Variants in ASTN2 observed in about 807,000 individuals in gnomAD.
The protein encoded by ASTN2 is astrotactin 2.
A neutral mutation model predicts 139.8 loss-of-function variants in ASTN2; 54 were observed. That is an observed-to-expected ratio of 0.39 (90% CI 0.31 to 0.48). The LOEUF (loss-of-function observed/expected upper bound fraction) is 0.48, where lower values mean the gene tolerates loss of function less well. Among genes scored for constraint, ASTN2 ranks in the 20% least tolerant of loss-of-function variants. The pLI is 0.95. For missense variants in ASTN2, 1,565 were observed against 1,725.1 expected (o/e 0.91, Z 1.64); for synonymous variants, 756 against 719.5 (o/e 1.05, Z -0.81).
At position 117,384,606 on chromosome 9, in the gene ASTN2, T is replaced by C. The variant is rs150589164; in HGVS notation, c.442+29891A>G. On this transcript the variant is annotated intron_variant, in intron 1 of 22. Transcript: ENST00000313400. The stretch of plus-strand genomic sequence containing the variant: ...TTGATAAGTAACTCTCAGCAAGTCA[T>C]TTCCTATGGGCCATGGCTTCCACAT... 2.6e-5 allele frequency among the ~76,000 whole-genome samples: 4 copies of C among 152,342 alleles called. No homozygotes were observed. The East Asian group carries it at 5.8e-4, about 22-fold the overall frequency.
chr9:117,144,174 G>A (rs1830137931), intron 3 of ASTN2, among the ~76,000 whole-genome samples: 1 of 152,076 alleles, frequency 6.6e-6, no homozygotes. Flanking sequence ...CACAGTGAGG[G>A]GTGGCATCTG....
intron 4 of ASTN2, among the ~76,000 whole-genome samples, chr9:117,109,367 A>C (rs930882867): frequency 7.6e-6 from 1 of 132,220 alleles, no homozygotes; most frequent in African/African-American, 2.5e-5. Flanking sequence ...AAAATAAATA[A>C]ATAAAAATAA....
At position 116,463,396 on chromosome 9, in the gene ASTN2, A is replaced by G. The variant is rs550782158; in HGVS notation, c.3498-20843T>C. 2.6e-4 allele frequency among the ~76,000 whole-genome samples: 40 copies of G among 152,330 alleles called. No individual in the cohort carries two copies. The South Asian group carries it at 7.3e-3, about 28-fold the overall frequency. ...AAGCTGGTTCACAAAGGGATTTGAC[A>G]TCAGGACTTTATCTCCTAACTCCTG... On this transcript the variant is annotated intron_variant, in intron 20 of 22. Transcript: ENST00000313400.
intron 20 of ASTN2, among the ~76,000 whole-genome samples, chr9:116,463,763 C>T (rs758369199): frequency 1.7e-4 from 26 of 152,300 alleles, no homozygotes; most frequent in Middle Eastern, 3.4e-3. Flanking sequence ...TTCTCCACTA[C>T]GCTGTGAGCT....
chr9:116,834,636 C>A (rs111968411), intron 11 of ASTN2, among the ~76,000 whole-genome samples: 103 of 152,268 alleles, frequency 6.8e-4, no homozygotes, highest in African/African-American at 2.2e-3. Flanking sequence ...TTTTTCCATC[C>A]ATTTACTTTC....
intron 3 of ASTN2, among the ~76,000 whole-genome samples, chr9:117,143,543 T>C (rs1308038764): frequency 6.6e-6 from 1 of 152,224 alleles, no homozygotes; most frequent in African/African-American, 2.4e-5. Context: ...CATTGATTCA[T>C]TCATTCAACA....
At chr9:117,159,200 G>T (rs964957588) in intron 3 of ASTN2, among the ~76,000 whole-genome samples, 1 of 151,824 alleles carries the variant, frequency 6.6e-6, no homozygotes, top group African/African-American at 2.4e-5. Context: ...CAGGCCTGTC[G>T]TCTGCTAACT....
At chr9:116,711,576 G>T (rs1008402263) in intron 16 of ASTN2, among the ~76,000 whole-genome samples, 1 of 152,164 alleles carries the variant, frequency 6.6e-6, no homozygotes, top group Admixed American at 6.5e-5. Context: ...ATTGCCAGTT[G>T]TATATACCTT....
chr9:116,512,138 T>G (rs966846350), intron 19 of ASTN2, among the ~76,000 whole-genome samples: 2 of 152,220 alleles, frequency 1.3e-5, no homozygotes, highest in African/African-American at 4.8e-5. Flanking sequence ...TTGTGGGCAT[T>G]TAGTGCTATA....
chr9:117,258,911 A>T (rs369911628), intron 2 of ASTN2, among the ~76,000 whole-genome samples: 85 of 152,304 alleles, frequency 5.6e-4, no homozygotes, highest in Middle Eastern at 3.4e-3. Flanking sequence ...CGTCTATTTC[A>T]CTTCTTGCCT....
chr9:117,351,046 C>T (rs761029316), intron 1 of ASTN2, among the ~76,000 whole-genome samples: 1 of 152,152 alleles, frequency 6.6e-6, no homozygotes, highest in Non-Finnish European at 1.5e-5. Context: ...GCTCTCCTTG[C>T]ACCCTCAACG....
intron 10 of ASTN2, among the ~76,000 whole-genome samples, chr9:116,972,538 T>C (rs940254495): frequency 6.6e-5 from 10 of 152,318 alleles, no homozygotes; most frequent in Middle Eastern, 3.4e-3. Context: ...AGAAGATATA[T>C]ACCTCCAACT....
intron 3 of ASTN2, among the ~76,000 whole-genome samples, chr9:117,164,267 T>G (rs1271074883): frequency 1.3e-5 from 2 of 152,036 alleles, no homozygotes; most frequent in Non-Finnish European, 1.5e-5. Flanking sequence ...AGGATGAGAA[T>G]GCAGGCAGAA....
intron 2 of ASTN2, among the ~76,000 whole-genome samples, chr9:117,245,599 G>T (rs536777269): frequency 1.3e-5 from 2 of 152,308 alleles, no homozygotes; most frequent in South Asian, 2.1e-4. Flanking sequence ...AGGGCCAGGA[G>T]GCAGAAGGTC....
chr9:116,625,614 T>C (rs1443038891), intron 17 of ASTN2, among the ~76,000 whole-genome samples: 1 of 152,182 alleles, frequency 6.6e-6, no homozygotes, highest in Non-Finnish European at 1.5e-5. Context: ...TGTTCCACAC[T>C]TTCTGGTTAA....
At chr9:116,591,319 A>G (rs1326613325) in intron 19 of ASTN2, among the ~76,000 whole-genome samples, 1 of 152,180 alleles carries the variant, frequency 6.6e-6, no homozygotes, top group Non-Finnish European at 1.5e-5. Flanking sequence ...GCTGGCACCC[A>G]TGCCGGAACC....
At chr9:117,307,972 A>G (rs1835044647) in intron 1 of ASTN2, among the ~76,000 whole-genome samples, 1 of 152,194 alleles carries the variant, frequency 6.6e-6, no homozygotes, top group South Asian at 2.1e-4. Flanking sequence ...CTTGTTCTCG[A>G]ACTGTCCATC....
intron 19 of ASTN2, chr9:116,581,891 TCTTTAA>T (rs60461247): frequency 0.16 from 24,442 of 152,070 alleles, 2,113 homozygotes; most frequent in African/African-American, 0.22. Context: ...GTGAATCTTA[TCTTTAA>T]CTTTAACTAA....
At chr9:117,179,498 C>T (rs1169105469) in intron 3 of ASTN2, among the ~76,000 whole-genome samples, 1 of 152,084 alleles carries the variant, frequency 6.6e-6, no homozygotes, top group African/African-American at 2.4e-5. Context: ...TAATAGGAGA[C>T]CCCATCATTT....
Sources: gnomAD v4.1 joint callset for allele counts (sites outside exome capture counted in the v4.1 genomes callset) on GRCh38, gnomAD v4.1.1 for gene constraint, MANE v1.5 for transcripts, NCBI Gene and HGNC (gene_info 2026-07-23, HGNC 2026-07-21) for gene names.